Variants in ANK1 observed in about 807,000 individuals in gnomAD.
The protein encoded by ANK1 is ankyrin 1.
Under a neutral mutation model 210.4 loss-of-function variants are expected in ANK1, and 51 were observed. That is an observed-to-expected ratio of 0.24 (90% CI 0.19 to 0.31). The LOEUF (loss-of-function observed/expected upper bound fraction) is 0.31, where lower values mean the gene tolerates loss of function less well. Ranked by LOEUF, ANK1 falls within the 10% of genes least tolerant of loss-of-function variation. The pLI, the probability that ANK1 is intolerant of heterozygous loss-of-function variation, is 1.00. For missense variants in ANK1, 2,051 were observed against 2,504.4 expected (o/e 0.82, Z 3.86); for synonymous variants, 967 against 1,025.9 (o/e 0.94, Z 1.10).
chr8:41,748,352 A>G (rs1036364169), intron 2 of ANK1, among the ~76,000 whole-genome samples: 1 of 152,172 alleles, frequency 6.6e-6, no homozygotes, highest in Non-Finnish European at 1.5e-5. Flanking sequence ...AGTTTAATAC[A>G]TTTTTCTATG....
In ANK1 at chr8:41,760,453, C is replaced by T. The variant is rs766318476; in HGVS notation, c.28-2316G>A. On this transcript the variant is annotated intron_variant, in intron 1 of 42. Coordinates refer to ENST00000289734, the MANE Select transcript of ANK1 (RefSeq NM_000037.4). ...CATGATTGTAAGGCCTCCCCAGCCACGTTGGACTGTGAGTCCATTAAACCT... is the reference window on the plus strand; with the variant it reads ...CATGATTGTAAGGCCTCCCCAGCCATGTTGGACTGTGAGTCCATTAAACCT... 3.9e-5 allele frequency among the ~76,000 whole-genome samples: 6 copies of T among 152,340 alleles called. No individual in the cohort carries two copies. In the South Asian group the frequency reaches 6.2e-4, roughly 16 times the overall value.
At chr8:41,789,718 G>A (rs1455789988) in intron 1 of ANK1, among the ~76,000 whole-genome samples, 3 of 152,174 alleles carry the variant, frequency 2.0e-5, no homozygotes, top group African/African-American at 4.8e-5. Context: ...ACGTGAGCTG[G>A]GAACCTCGCT....
rs555584472 is a variant in ANK1 at position 41,748,895 on chromosome 8, C to T, written c.129+9141G>A. Among the ~76,000 whole-genome samples, 12 of 152,162 alleles carry T rather than the reference C, an allele frequency of 7.9e-5. No individual in the cohort carries two copies. The East Asian group carries it at 1.6e-3, about 20-fold the overall frequency. On this transcript the variant is annotated intron_variant, in intron 2 of 42. Coordinates refer to ENST00000289734, the MANE Select transcript of ANK1 (RefSeq NM_000037.4). ...CTAAAAATACAAAAAATTAGCCGGG[C>T]GTGGTGGCGGGCACCTGTAGTCCCA...
chr8:41,799,637 G>T (rs1016845883), upstream of ANK1, among the ~76,000 whole-genome samples: 4 of 152,148 alleles, frequency 2.6e-5, no homozygotes, highest in Non-Finnish European at 5.9e-5. Flanking sequence ...AGTGCTTCCG[G>T]TGGGCAACAT....
At chr8:41,659,798 A>T (rs1328370385) in intron 42 of ANK1, among the ~76,000 whole-genome samples, 1 of 145,512 alleles carries the variant, frequency 6.9e-6, no homozygotes, top group Non-Finnish European at 1.5e-5. Flanking sequence ...TCTGACACCC[A>T]TGCTAGTGTG....
chr8:41,794,123 G>C (rs951127922), intron 1 of ANK1, among the ~76,000 whole-genome samples: 9 of 152,326 alleles, frequency 5.9e-5, no homozygotes, highest in African/African-American at 2.2e-4. Context: ...GGTATAGGCA[G>C]AAGTCAGATG....
At chr8:41,788,142 G>A (rs1846813766) in intron 1 of ANK1, among the ~76,000 whole-genome samples, 1 of 152,174 alleles carries the variant, frequency 6.6e-6, no homozygotes, top group Admixed American at 6.5e-5. Flanking sequence ...TGGCTATGGG[G>A]CGTGCATGAT....
At chr8:41,855,533 C>A (rs975507615) in intron 1 of ANK1, among the ~76,000 whole-genome samples, 4 of 152,188 alleles carry the variant, frequency 2.6e-5, no homozygotes, top group African/African-American at 9.6e-5. Flanking sequence ...TATAGAGGAA[C>A]CCACAGAGCC....
chr8:41,854,451 C>A (rs1247540762), intron 1 of ANK1, among the ~76,000 whole-genome samples: 1 of 152,178 alleles, frequency 6.6e-6, no homozygotes, highest in East Asian at 1.9e-4. Flanking sequence ...AAAGGATGAA[C>A]GGCAAGCACA....
At chr8:41,716,878 A>C in intron 13 of ANK1, 75 bp downstream of exon 13, 1 of 1,458,424 alleles carries the variant, frequency 6.9e-7, no homozygotes. Flanking sequence ...CCCGCCTGGA[A>C]TGAGGATGGG....
chr8:41,800,503 A>G (rs1461251262), upstream of ANK1, among the ~76,000 whole-genome samples: 1 of 152,162 alleles, frequency 6.6e-6, no homozygotes, highest in Non-Finnish European at 1.5e-5. Context: ...ATCTATATCT[A>G]TACCCATCTG....
chr8:41,886,686 C>T (rs984129654), intron 1 of ANK1, among the ~76,000 whole-genome samples: 1 of 152,166 alleles, frequency 6.6e-6, no homozygotes, highest in South Asian at 2.1e-4. Context: ...CACACATTTC[C>T]AAGTATCAGT....
intron 1 of ANK1, among the ~76,000 whole-genome samples, chr8:41,785,666 T>G (rs923853400): frequency 3.3e-5 from 5 of 152,170 alleles, no homozygotes; most frequent in African/African-American, 4.8e-5. Context: ...CTGCCCCTGC[T>G]CGCTGCGCAT....
intron 38 of ANK1, among the ~76,000 whole-genome samples, chr8:41,670,616 T>C (rs1015061633): frequency 2.6e-5 from 4 of 152,220 alleles, no homozygotes; most frequent in African/African-American, 4.8e-5. Context: ...CTGTCTCAAC[T>C]TCCAAACGAC....
intron 35 of ANK1, among the ~76,000 whole-genome samples, chr8:41,687,665 G>A (rs115442794): frequency 1.3e-3 from 203 of 152,310 alleles, no homozygotes; most frequent in African/African-American, 4.7e-3. Flanking sequence ...CCGTGTCTCC[G>A]TGTGTCTTGA....
intron 1 of ANK1, among the ~76,000 whole-genome samples, chr8:41,805,171 T>TTCTTTCTTTCTCTCTCTC (rs1563815252): frequency 1.6e-5 from 2 of 124,644 alleles, no homozygotes; most frequent in African/African-American, 1.1e-4. Context: ...CTCTCTCTCT[T>TTCTTTCTTTCTCTCTCTC]TCTTTCTTTC....
intron 1 of ANK1, among the ~76,000 whole-genome samples, chr8:41,834,415 G>A (rs905367937): frequency 3.9e-5 from 6 of 152,198 alleles, no homozygotes. Flanking sequence ...CGCCCATGTC[G>A]GAGGCAGCAC....
At chr8:41,772,821 G>A (rs1237968405) in intron 1 of ANK1, among the ~76,000 whole-genome samples, 5 of 152,002 alleles carry the variant, frequency 3.3e-5, no homozygotes, top group Admixed American at 6.5e-5. Context: ...CCAAGGAGCC[G>A]CCCCTGCTCC....
intron 1 of ANK1, among the ~76,000 whole-genome samples, chr8:41,820,546 T>G (rs1304535637): frequency 2.0e-5 from 3 of 151,944 alleles, no homozygotes; most frequent in Admixed American, 6.6e-5. Flanking sequence ...GGAGCCTAAT[T>G]TGGTACAAAA....
Sources: gnomAD v4.1 joint callset for allele counts (sites outside exome capture counted in the v4.1 genomes callset) on GRCh38, gnomAD v4.1.1 for gene constraint, MANE v1.5 for transcripts, NCBI Gene and HGNC (gene_info 2026-07-23, HGNC 2026-07-21) for gene names.